PDE4D: variants seen among roughly 807,000 people sequenced by gnomAD.
PDE4D encodes 3',5'-cyclic-AMP phosphodiesterase 4D.
A neutral mutation model predicts 87.4 loss-of-function variants in PDE4D; 24 were observed. The observed-to-expected ratio is 0.27, with a 90% CI of 0.20 to 0.39. The LOEUF (loss-of-function observed/expected upper bound fraction) is 0.39, where lower values mean the gene tolerates loss of function less well. PDE4D is among the 10% of genes least tolerant of loss of function. The pLI is 1.00. For synonymous variants in PDE4D, 384 were observed against 383.2 expected, an observed-to-expected ratio of 1.00 and a Z score of -0.02; for missense variants, 714 against 1,041.0, an observed-to-expected ratio of 0.69 and a Z score of 4.32.
intron 1 of PDE4D, chr5:59,430,392 G>A: frequency 1.6e-6 from 2 of 1,231,234 alleles, no homozygotes; most frequent in South Asian, 4.1e-5. Context: ...CCAGAGTCAG[G>A]TACTCACAGC....
intron 1 of PDE4D, among the ~76,000 whole-genome samples, chr5:59,699,735 T>C (rs1450495011): frequency 6.6e-6 from 1 of 152,204 alleles, no homozygotes; most frequent in Non-Finnish European, 1.5e-5. Context: ...TGATAAGTAC[T>C]TAAGAACCAA....
chr5:60,448,054 T>A (rs1745794434), intron 1 of PDE4D, among the ~76,000 whole-genome samples: 1 of 152,152 alleles, frequency 6.6e-6, no homozygotes, highest in Non-Finnish European at 1.5e-5. Flanking sequence ...ATTTTGTTGA[T>A]TCAAAATAGA....
intron 1 of PDE4D, among the ~76,000 whole-genome samples, chr5:60,251,777 A>C (rs1748494768): frequency 1.3e-5 from 2 of 151,790 alleles, no homozygotes; most frequent in South Asian, 4.1e-4. Context: ...ATATTTTTGT[A>C]AATTTAGTGT....
intron 5 of PDE4D, among the ~76,000 whole-genome samples, chr5:59,064,059 TA>T (rs971719870): frequency 8.0e-5 from 12 of 150,872 alleles, no homozygotes; most frequent in African/African-American, 2.7e-4. Context: ...GTTATTAAGT[TA>T]AAAAAAATGA....
At chr5:59,297,453 T>C (rs1377686465) in intron 1 of PDE4D, among the ~76,000 whole-genome samples, 2 of 151,956 alleles carry the variant, frequency 1.3e-5, no homozygotes, top group African/African-American at 2.4e-5. Context: ...GATGAGGTTA[T>C]ACTTGCCTTA....
intron 3 of PDE4D, among the ~76,000 whole-genome samples, chr5:59,951,455 T>A (rs1433607132): frequency 6.6e-6 from 1 of 152,178 alleles, no homozygotes; most frequent in Non-Finnish European, 1.5e-5. Flanking sequence ...AAAAGATCAT[T>A]TTAAAACTAA....
intron 1 of PDE4D, among the ~76,000 whole-genome samples, chr5:59,232,441 A>C (rs571073186): frequency 6.6e-6 from 1 of 152,078 alleles, no homozygotes; most frequent in African/African-American, 2.4e-5. Flanking sequence ...CAACATTACT[A>C]ATCATCAGGG....
chr5:59,894,717 G>A (rs191789962), upstream of PDE4D, among the ~76,000 whole-genome samples: 282 of 152,280 alleles, frequency 1.9e-3, no homozygotes, highest in Non-Finnish European at 3.2e-3. Context: ...GCAGAACACA[G>A]CTCTATTACT....
At chr5:60,054,763 T>C (rs1770596918) in intron 2 of PDE4D, among the ~76,000 whole-genome samples, 1 of 152,170 alleles carries the variant, frequency 6.6e-6, no homozygotes, top group African/African-American at 2.4e-5. Flanking sequence ...TAAATAAGCA[T>C]ATTTTATACT....
At chr5:59,055,632 G>C (rs1434612475) in intron 5 of PDE4D, among the ~76,000 whole-genome samples, 1 of 152,132 alleles carries the variant, frequency 6.6e-6, no homozygotes, top group African/African-American at 2.4e-5. Context: ...CTGTACAAAG[G>C]AGGGGCAGGG....
intron 11 of PDE4D, among the ~76,000 whole-genome samples, chr5:58,980,973 T>C (rs1744982789): frequency 6.6e-6 from 1 of 152,152 alleles, no homozygotes; most frequent in South Asian, 2.1e-4. Context: ...AGAATATGTA[T>C]GTCCAGGCTC....
At chr5:60,505,514 A>G (rs1421837679) in intron 1 of PDE4D, among the ~76,000 whole-genome samples, 2 of 152,182 alleles carry the variant, frequency 1.3e-5, no homozygotes, top group African/African-American at 4.8e-5. Context: ...TGAGCACTCT[A>G]TAATACAGCC....
At chr5:59,694,277 T>G (rs2150417928) in intron 1 of PDE4D, among the ~76,000 whole-genome samples, 1 of 152,268 alleles carries the variant, frequency 6.6e-6, no homozygotes, top group African/African-American at 2.4e-5. Context: ...TAAGTGCAGA[T>G]CAGAAGAATG....
chr5:59,355,177 C>T (rs1014910527), intron 1 of PDE4D, among the ~76,000 whole-genome samples: 2 of 152,120 alleles, frequency 1.3e-5, no homozygotes, highest in Non-Finnish European at 2.9e-5. Flanking sequence ...ACCAAAGGAA[C>T]CTTGAAAAAA....
chr5:60,018,557 G>T (rs955825301), intron 2 of PDE4D, among the ~76,000 whole-genome samples: 2 of 152,158 alleles, frequency 1.3e-5, no homozygotes, highest in South Asian at 2.1e-4. Flanking sequence ...GCTGGATAAA[G>T]AATCAAGACA....
chr5:59,543,266 T>C (rs533994722), intron 1 of PDE4D, among the ~76,000 whole-genome samples: 53 of 152,308 alleles, frequency 3.5e-4, no homozygotes, highest in African/African-American at 1.3e-3. Context: ...TCTGAATTTT[T>C]TGAGCCTGTT....
chr5:59,628,389 C>A (rs964334495), intron 1 of PDE4D, among the ~76,000 whole-genome samples: 1 of 152,150 alleles, frequency 6.6e-6, no homozygotes, highest in African/African-American at 2.4e-5. Flanking sequence ...CCTGCAGTAG[C>A]AGAAATGTTC....
intron 1 of PDE4D, among the ~76,000 whole-genome samples, chr5:60,378,608 C>G (rs1214392127): frequency 6.6e-6 from 1 of 152,050 alleles, no homozygotes; most frequent in African/African-American, 2.4e-5. Flanking sequence ...AATCCCAGCA[C>G]TTTGGGAGGC....
At chr5:59,509,174 C>T (rs1809822373) in intron 1 of PDE4D, among the ~76,000 whole-genome samples, 2 of 151,396 alleles carry the variant, frequency 1.3e-5, no homozygotes, top group Admixed American at 1.3e-4. Flanking sequence ...TCAAAGCACC[C>T]AAAAAGAAAA....
Sources: gnomAD v4.1 joint callset for allele counts (sites outside exome capture counted in the v4.1 genomes callset) on GRCh38, gnomAD v4.1.1 for gene constraint, MANE v1.5 for transcripts, NCBI Gene and HGNC (gene_info 2026-07-23, HGNC 2026-07-21) for gene names.